The following FBLN7 variants were observed in gnomAD, a reference collection of about 807,000 sequenced individuals.
FBLN7 encodes the protein fibulin 7.
A neutral mutation model predicts 44.0 loss-of-function variants in FBLN7; 31 were observed. The observed-to-expected ratio is 0.70, with a 90% confidence interval of 0.53 to 0.95. The LOEUF (loss-of-function observed/expected upper bound fraction) is 0.95, where lower values mean the gene tolerates loss of function less well. FBLN7 is among the 40% of genes least tolerant of loss of function. FBLN7 has a pLI of 0.00. For missense variants in FBLN7, 573 were observed against 618.5 expected (o/e 0.93, Z 0.78); for synonymous variants, 262 against 253.4 (o/e 1.03, Z -0.32).
At chr2:112,170,292 A>C (rs1428996648) in intron 3 of FBLN7, among the ~76,000 whole-genome samples, 2 of 150,382 alleles carry the variant, frequency 1.3e-5, no homozygotes, top group African/African-American at 4.9e-5. Context: ...AAGAAAAAGA[A>C]AAGGTGAGTG....
At chr2:112,158,692 G>A (rs1681565684) in intron 1 of FBLN7, among the ~76,000 whole-genome samples, 1 of 152,194 alleles carries the variant, frequency 6.6e-6, no homozygotes, top group African/African-American at 2.4e-5. Flanking sequence ...GCTCGGCTCA[G>A]CCTCCCAAAG....
the FBLN7 span, among the ~76,000 whole-genome samples, chr2:112,229,319 A>G: frequency 6.6e-5 from 10 of 152,296 alleles, no homozygotes; most frequent in African/African-American, 2.2e-4. Flanking sequence ...AAAGTCTATT[A>G]GTATTATTTT....
chr2:112,148,728 C>T (rs1181975412), intron 1 of FBLN7, among the ~76,000 whole-genome samples: 2 of 152,190 alleles, frequency 1.3e-5, no homozygotes, highest in Admixed American at 6.5e-5. Context: ...GGCCTCTCAT[C>T]CTCCAGGAGG....
intron 6 of FBLN7, among the ~76,000 whole-genome samples, chr2:112,183,330 C>T (rs1378529091): frequency 1.3e-5 from 2 of 152,176 alleles, no homozygotes; most frequent in African/African-American, 4.8e-5. Flanking sequence ...TGTAAGTCCA[C>T]CTCTGAAAGG....
chr2:112,166,005 A>G (rs569282695), intron 3 of FBLN7, among the ~76,000 whole-genome samples: 2 of 151,292 alleles, frequency 1.3e-5, no homozygotes, highest in East Asian at 1.9e-4. Flanking sequence ...CGGACATTAT[A>G]TAAACAAGAA....
the FBLN7 span, among the ~76,000 whole-genome samples, chr2:112,219,900 A>C: frequency 6.6e-6 from 1 of 152,148 alleles, no homozygotes; most frequent in Non-Finnish European, 1.5e-5. Flanking sequence ...TGGTTATTTA[A>C]GTCACTTCAT....
At chr2:112,239,648 G>A in the FBLN7 span, among the ~76,000 whole-genome samples, 1 of 137,704 alleles carries the variant, frequency 7.3e-6, no homozygotes, top group African/African-American at 2.8e-5. Flanking sequence ...GCAGTGGCAC[G>A]ATCTTGGCTC....
At chr2:112,197,662 A>G in the FBLN7 span, among the ~76,000 whole-genome samples, 2 of 152,188 alleles carry the variant, frequency 1.3e-5, no homozygotes, top group African/African-American at 4.8e-5. Context: ...ACAGCCACCA[A>G]CTGCCAACCA....
chr2:112,208,866 T>C, the FBLN7 span, among the ~76,000 whole-genome samples: 1 of 152,162 alleles, frequency 6.6e-6, no homozygotes, highest in African/African-American at 2.4e-5. Context: ...ATAACATAAA[T>C]ATATTTCTAG....
intron 1 of FBLN7, among the ~76,000 whole-genome samples, chr2:112,143,424 T>C (rs1680749214): frequency 6.6e-6 from 1 of 152,192 alleles, no homozygotes; most frequent in Non-Finnish European, 1.5e-5. Flanking sequence ...TCCCTGACCC[T>C]CTCCCTGTGA....
At chr2:112,201,371 G>C in the FBLN7 span, among the ~76,000 whole-genome samples, 1 of 147,368 alleles carries the variant, frequency 6.8e-6, no homozygotes, top group African/African-American at 2.7e-5. Context: ...CAGAACAAAG[G>C]CCGTGGGCCC....
the FBLN7 span, among the ~76,000 whole-genome samples, chr2:112,239,522 A>C: frequency 6.6e-6 from 1 of 152,076 alleles, no homozygotes; most frequent in Non-Finnish European, 1.5e-5. Flanking sequence ...CAGACAAAAA[A>C]CAAAACAGAA....
At position 112,174,165 on chromosome 2, in the gene FBLN7, G is replaced by T. The variant is rs894633766; in HGVS notation, c.407-1549G>T. On this transcript the variant is annotated intron_variant, in intron 3 of 7. Transcript: ENST00000331203. ...GCCCACTTCCAGACTACGCTGGTGG[G>T]CAACCATGGAGCTGGACAAGGGATA... is the stretch of plus-strand genomic sequence containing the variant. Among the ~76,000 whole-genome samples the T allele has an allele frequency of 1.6e-4, 25 of 152,202 alleles. 1 individual carries two copies. The highest frequency in any genetic ancestry group is 1.3e-4 in the Admixed American group (2 of 15,286).
chr2:112,158,571 G>A (rs974150155), intron 1 of FBLN7, among the ~76,000 whole-genome samples: 3 of 152,206 alleles, frequency 2.0e-5, no homozygotes, highest in Admixed American at 2.0e-4. Flanking sequence ...GAGTAGCTGG[G>A]ATTACAGGCA....
intron 1 of FBLN7, among the ~76,000 whole-genome samples, chr2:112,159,446 G>A (rs1191019134): frequency 3.3e-5 from 5 of 152,146 alleles, no homozygotes; most frequent in African/African-American, 1.2e-4. Context: ...TCATCCACCC[G>A]GTCATTTAGA....
chr2:112,209,317 C>T, the FBLN7 span, among the ~76,000 whole-genome samples: 4 of 152,136 alleles, frequency 2.6e-5, no homozygotes, highest in East Asian at 1.9e-4. Flanking sequence ...TGTTTTAGTA[C>T]GAAGAGTGCT....
chr2:112,166,745 T>C (rs953201393), intron 3 of FBLN7, among the ~76,000 whole-genome samples: 7 of 152,188 alleles, frequency 4.6e-5, no homozygotes, highest in Admixed American at 2.0e-4. Context: ...ATTTTTAACT[T>C]ACAGATTGAG....
the FBLN7 span, among the ~76,000 whole-genome samples, chr2:112,200,296 G>A: frequency 6.6e-6 from 1 of 152,120 alleles, no homozygotes; most frequent in Non-Finnish European, 1.5e-5. Context: ...AGTATGGCTT[G>A]CCCAGGAGGA....
chr2:112,191,963 C>T (rs1683504399), downstream of FBLN7, among the ~76,000 whole-genome samples: 2 of 152,190 alleles, frequency 1.3e-5, no homozygotes, highest in Non-Finnish European at 2.9e-5. Flanking sequence ...AATCAAATTT[C>T]CCCTTTTATC....
Sources: allele counts gnomAD v4.1 joint callset (sites outside exome capture counted in the v4.1 genomes callset), GRCh38; gene constraint gnomAD v4.1.1; transcripts MANE v1.5; gene names NCBI Gene and HGNC (gene_info 2026-07-23, HGNC 2026-07-21).